The following ERBB4 variants were observed in gnomAD, a reference collection of about 807,000 sequenced individuals.
ERBB4 encodes the protein erb-b2 receptor tyrosine kinase 4.
In ERBB4, 42 loss-of-function variants were observed where a neutral mutation model predicts 158.0. The observed-to-expected ratio is 0.27, with a 90% CI of 0.21 to 0.34. ERBB4 has a LOEUF of 0.34. Ranked by LOEUF, ERBB4 falls within the 10% of genes least tolerant of loss-of-function variation. The probability of loss-of-function intolerance (pLI) is 1.00; values close to 1 mark genes in which losing one functional copy is unlikely to be tolerated. For synonymous variants in ERBB4, 583 were observed against 558.7 expected, an observed-to-expected ratio of 1.04 and a Z score of -0.61; for missense variants, 1,333 against 1,624.1, an observed-to-expected ratio of 0.82 and a Z score of 3.08.
chr2:211,515,849 C>T (rs2066007928), intron 20 of ERBB4, among the ~76,000 whole-genome samples: 1 of 145,696 alleles, frequency 6.9e-6, no homozygotes, highest in Middle Eastern at 3.4e-3. Context: ...AGGGTATTTG[C>T]AGTCTTTGAG....
intron 5 of ERBB4, 151 bp from the exon 6 acceptor site, chr2:211,725,345 T>A: frequency 1.5e-6 from 1 of 659,540 alleles, no homozygotes; most frequent in Non-Finnish European, 2.7e-6. Flanking sequence ...AAAATTTTTA[T>A]ACAAAAATCT....
At position 212,382,401 on chromosome 2, in the gene ERBB4, G is replaced by GAACTCTA. The variant is rs1217422003; in HGVS notation, c.82+156047_82+156048insTAGAGTT. The stretch of plus-strand genomic sequence containing the variant: ...TTTTGTGAACTCTATGTAAAAATGT[G>GAACTCTA]TGTATTTTTTCCTGCAATAAAACAA... On this transcript the variant is annotated intron_variant, in intron 1 of 27. Coordinates refer to ENST00000342788, the MANE Select transcript of ERBB4 (RefSeq NM_005235.3). Among the ~76,000 whole-genome samples, 8 of 150,624 alleles carry GAACTCTA rather than the reference G, an allele frequency of 5.3e-5. 1 individual carries two copies. The East Asian group carries it at 1.6e-3, about 29-fold the overall frequency.
At chr2:211,963,343 G>C (rs1050130077) in intron 2 of ERBB4, among the ~76,000 whole-genome samples, 1 of 152,030 alleles carries the variant, frequency 6.6e-6, no homozygotes, top group Admixed American at 6.6e-5. Flanking sequence ...AAAATGTCAA[G>C]GTTGATTGAC....
At chr2:212,377,964 T>C (rs866053770) in intron 1 of ERBB4, among the ~76,000 whole-genome samples, 18 of 151,714 alleles carry the variant, frequency 1.2e-4, no homozygotes, top group Middle Eastern at 3.4e-3. Context: ...TTTTATCTTT[T>C]AATTTTTTTT....
chr2:211,448,272 CTAT>C (rs1279005019), intron 20 of ERBB4, among the ~76,000 whole-genome samples: 7 of 152,174 alleles, frequency 4.6e-5, no homozygotes, highest in East Asian at 1.9e-4. Flanking sequence ...TGCACCCAGC[CTAT>C]TATTATTTTT....
chr2:211,947,129 C>T (rs1283110321), intron 3 of ERBB4, among the ~76,000 whole-genome samples: 1 of 152,110 alleles, frequency 6.6e-6, no homozygotes, highest in South Asian at 2.1e-4. Context: ...GTCCACTGTT[C>T]ACCTGAAACC....
At chr2:211,964,933 T>C (rs1322380835) in intron 2 of ERBB4, among the ~76,000 whole-genome samples, 1 of 152,180 alleles carries the variant, frequency 6.6e-6, no homozygotes, top group Non-Finnish European at 1.5e-5. Flanking sequence ...CACTGTTCTT[T>C]TTTACTTAGA....
intron 2 of ERBB4, among the ~76,000 whole-genome samples, chr2:212,039,822 C>CAA (rs1258121595): frequency 6.6e-6 from 1 of 151,782 alleles, no homozygotes; most frequent in Non-Finnish European, 1.5e-5. Context: ...ATGCCACACA[C>CAA]AAATGCCTAC....
chr2:212,011,768 A>G (rs1436751073), intron 2 of ERBB4, among the ~76,000 whole-genome samples: 1 of 151,648 alleles, frequency 6.6e-6, no homozygotes, highest in East Asian at 1.9e-4. Flanking sequence ...AAAAAAAAAA[A>G]GCATTTCACA....
intron 2 of ERBB4, among the ~76,000 whole-genome samples, chr2:211,976,524 G>A (rs868613256): frequency 1.3e-5 from 2 of 151,960 alleles, no homozygotes; most frequent in Non-Finnish European, 2.9e-5. Flanking sequence ...ATCTATAGAG[G>A]TTACTCAGAA....
At chr2:212,176,693 G>A (rs10177869) in intron 1 of ERBB4, among the ~76,000 whole-genome samples, 133,098 of 151,908 alleles carry the variant, frequency 0.88, 59,696 homozygotes, top group African/African-American at 0.97. Context: ...GAAATCTTCC[G>A]TAAAGCTCCA....
At chr2:212,065,613 G>C (rs1240678773) in intron 2 of ERBB4, among the ~76,000 whole-genome samples, 1 of 151,962 alleles carries the variant, frequency 6.6e-6, no homozygotes, top group Non-Finnish European at 1.5e-5. Flanking sequence ...TTCTTAGAAG[G>C]CAACTGGAAA....
chr2:211,849,513 C>T (rs892332499), intron 3 of ERBB4, among the ~76,000 whole-genome samples: 1 of 151,868 alleles, frequency 6.6e-6, no homozygotes, highest in African/African-American at 2.4e-5. Flanking sequence ...AAGTTGATAT[C>T]TATCTTGAGC....
At chr2:211,436,134 A>T (rs887974062) in intron 20 of ERBB4, among the ~76,000 whole-genome samples, 4 of 152,146 alleles carry the variant, frequency 2.6e-5, no homozygotes, top group Non-Finnish European at 2.9e-5. Context: ...TTGAAGTCAT[A>T]TAGCTTTAAA....
At chr2:211,763,897 T>TACACACACACACACACACACACACAC (rs58206154) in intron 4 of ERBB4, among the ~76,000 whole-genome samples, 115 of 149,966 alleles carry the variant, frequency 7.7e-4, no homozygotes, top group Non-Finnish European at 1.3e-3. Context: ...TGCGTGTGTA[T>TACACACACACACACACACACACACAC]ACACACACAC....
intron 3 of ERBB4, among the ~76,000 whole-genome samples, chr2:211,931,485 G>C (rs2080174745): frequency 6.6e-6 from 1 of 151,924 alleles, no homozygotes; most frequent in Non-Finnish European, 1.5e-5. Context: ...CTGCTGAATT[G>C]GAAGGGGTAA....
chr2:211,550,307 C>T (rs557317889), intron 20 of ERBB4, among the ~76,000 whole-genome samples: 1 of 151,864 alleles, frequency 6.6e-6, no homozygotes, highest in Non-Finnish European at 1.5e-5. Flanking sequence ...CAGCTCTTTT[C>T]TTCTAACCCA....
intron 2 of ERBB4, among the ~76,000 whole-genome samples, chr2:211,951,708 T>C (rs2080880376): frequency 6.6e-6 from 1 of 152,138 alleles, no homozygotes. Context: ...GGATTTGCTG[T>C]TATAACTGAG....
intron 1 of ERBB4, among the ~76,000 whole-genome samples, chr2:212,347,917 A>G (rs1042019793): frequency 6.6e-6 from 1 of 152,102 alleles, no homozygotes; most frequent in Admixed American, 6.6e-5. Flanking sequence ...ATTTTAAAGT[A>G]GAGCTTAAAG....
Sources: gnomAD v4.1 joint callset for allele counts (sites outside exome capture counted in the v4.1 genomes callset) on GRCh38, gnomAD v4.1.1 for gene constraint, MANE v1.5 for transcripts, NCBI Gene and HGNC (gene_info 2026-07-23, HGNC 2026-07-21) for gene names.